The following BCKDK variants were observed in gnomAD, a reference collection of about 807,000 sequenced individuals.
BCKDK encodes branched-chain alpha-ketoacid dehydrogenase kinase.
A neutral mutation model predicts 43.9 loss-of-function variants in BCKDK; 28 were observed. That is an observed-to-expected ratio of 0.64 (90% CI 0.47 to 0.87). The LOEUF (loss-of-function observed/expected upper bound fraction) is 0.87. Among genes scored for constraint, BCKDK ranks in the 40% least tolerant of loss-of-function variants. The pLI, the probability that BCKDK is intolerant of heterozygous loss-of-function variation, is 0.00. For missense variants in BCKDK, 483 were observed against 581.4 expected (o/e 0.83, Z 1.74); for synonymous variants, 257 against 234.3 (o/e 1.10, Z -0.88).
downstream of BCKDK, chr16:31,117,588 C>T (rs2057456405): frequency 2.8e-6 from 3 of 1,054,066 alleles, no homozygotes; most frequent in Non-Finnish European, 3.8e-6. Flanking sequence ...ACAGACCCCG[C>T]CCTCAAACCT....
downstream of BCKDK, among the ~76,000 whole-genome samples, chr16:31,113,081 C>T (rs2057427237): frequency 6.6e-6 from 1 of 152,222 alleles, no homozygotes; most frequent in South Asian, 2.1e-4. Context: ...AGGATTTGGG[C>T]AAAGATATCA....
chr16:31,109,220 G>A lies in BCKDK; in HGVS notation c.-4G>A, dbSNP rs368007615. On this transcript the variant is annotated 5_prime_UTR_variant, in exon 2 of 12. Transcript: ENST00000219794. The surrounding 1 kb of genome is among the most constrained non-coding windows in gnomAD (Gnocchi z 5.3). ...CGGCCACCGGGTCTGAAAGGAGCAAGACGATGATCCTGGCGTCGGTGCTGA... is the reference window on the plus strand; with the variant it reads ...CGGCCACCGGGTCTGAAAGGAGCAAAACGATGATCCTGGCGTCGGTGCTGA... 1 of 1,510,562 alleles carries A rather than the reference G, an allele frequency of 6.6e-7. No individual in the cohort carries two copies. Among genetic ancestry groups the A allele is most frequent in the Admixed American group, 2.2e-5 (1 of 44,536 alleles). The allele number at this position is 1,510,562 out of a possible 1,614,324, so 93.6% of individuals were successfully genotyped here. A position where few individuals can be genotyped will look rare whatever the true frequency, so the allele number is the denominator to read the frequency against.
chr16:31,109,278 C>A lies in BCKDK; in HGVS notation c.55C>A (p.Pro19Thr). ...TCCCGGGGGCGGGCTTCCGCTCCGG[C>A]CCCTCCTGGGACCCGCACTCGCGCT... is the stretch of plus-strand genomic sequence containing the variant. Reference protein sequence around the residue: ...SGPGGGLPLRPLLGPALALRA... With the variant: ...SGPGGGLPLRTLLGPALALRA... The change falls in exon 2 of 12, where the codon CCC (proline) becomes ACC (threonine). Residue 19 changes from proline (P) to threonine (T), a missense_variant. Coordinates refer to ENST00000219794, the MANE Select transcript of BCKDK (RefSeq NM_005881.4). The surrounding 1 kb of genome is among the most constrained non-coding windows in gnomAD (Gnocchi z 5.3). 2 of 1,589,392 alleles carry A rather than the reference C, an allele frequency of 1.3e-6. No homozygotes were observed. Among genetic ancestry groups the A allele is most frequent in the South Asian group, 1.1e-5 (1 of 89,348 alleles).
chr16:31,112,552 C>G lies in BCKDK; in HGVS notation c.*287C>G, dbSNP rs920258053. 1.1e-5 allele frequency: 6 copies of G among 549,392 alleles called. No individual in the cohort carries two copies. The allele number at this position is 549,392 out of a possible 1,614,324, so 34.0% of individuals were successfully genotyped here. ...CCCACTCTGACCTGTTATTAAAGTTCACATTTTGAATGCCCTCTCGGGCCC... is the reference window on the plus strand; with the variant it reads ...CCCACTCTGACCTGTTATTAAAGTTGACATTTTGAATGCCCTCTCGGGCCC... On this transcript the variant is annotated 3_prime_UTR_variant, in exon 12 of 12. Transcript: ENST00000219794. This position sits in a 1 kb window ranked among gnomAD's most constrained non-coding sequence, Gnocchi z 5.0.
Position 31,109,887 on chromosome 16 carries a change from G to A in BCKDK, c.375+104G>A. On this transcript the variant is annotated intron_variant, in intron 4 of 11. Transcript: ENST00000219794. This position sits in a 1 kb window ranked among gnomAD's most constrained non-coding sequence, Gnocchi z 5.3. ...ACGATTGCTTGCCTAAAGGTGTCAGGGCCACACAGGATTCAACCCCAGGCC... is the reference window on the plus strand; with the variant it reads ...ACGATTGCTTGCCTAAAGGTGTCAGAGCCACACAGGATTCAACCCCAGGCC... 1.4e-6 allele frequency: 2 copies of A among 1,400,552 alleles called. No individual in the cohort carries two copies. Among genetic ancestry groups the A allele is most frequent in the Admixed American group, 1.8e-5 (1 of 54,288 alleles). 86.8% of individuals were successfully genotyped at this position (1,400,552 alleles called of 1,614,324 possible). A position where few individuals can be genotyped will look rare whatever the true frequency, so the allele number is the denominator to read the frequency against.
chr16:31,115,377 C>T (rs1274091539), downstream of BCKDK, among the ~76,000 whole-genome samples: 1 of 151,944 alleles, frequency 6.6e-6, no homozygotes, highest in African/African-American at 2.4e-5. Context: ...CATGCGGCCA[C>T]CACGCCTGGC....
At chr16:31,117,398 A>AAATT (rs1555503225), downstream of BCKDK, 747 of 234,112 alleles carry the variant, frequency 3.2e-3, 13 homozygotes, top group Middle Eastern at 5.2e-3. Context: ...ATAAATAAAT[A>AAATT]AATTAAAAAA....
chr16:31,110,825 C>A lies in BCKDK; in HGVS notation c.716+64C>A. 1 of 1,558,608 alleles carries A rather than the reference C, an allele frequency of 6.4e-7. No homozygotes were observed. Among genetic ancestry groups the A allele is most frequent in the Non-Finnish European group, 8.8e-7 (1 of 1,130,444 alleles). ...GGGCAGGGAAGGCTTGGGTCTGAGC[C>A]CTTGCCCGGGGCATGATCTGCGGGG... On this transcript the variant is annotated intron_variant, in intron 8 of 11. Coordinates refer to ENST00000219794, the MANE Select transcript of BCKDK (RefSeq NM_005881.4). The surrounding 1 kb of genome is among the most constrained non-coding windows in gnomAD (Gnocchi z 5.4).
chr16:31,110,708 C>T lies in BCKDK; in HGVS notation c.663C>T (p.Ile221=), dbSNP rs1342710277. 1.9e-6 allele frequency: 3 copies of T among 1,614,142 alleles called. No individual in the cohort carries two copies. The highest frequency in any genetic ancestry group is 2.7e-5 in the African/African-American group (2 of 75,024). The change falls in exon 8 of 12, where the codon ATC becomes ATT. Residue 221 remains isoleucine (I), a synonymous_variant. Coordinates refer to ENST00000219794, the MANE Select transcript of BCKDK (RefSeq NM_005881.4). The surrounding 1 kb of genome is among the most constrained non-coding windows in gnomAD (Gnocchi z 5.4). ...HEDKPDFVGI[I]CTRLSPKKII... ...GCCAGCCTGACTTTGTCGGCATCAT[C>T]TGTACTCGTCTCTCACCAAAGAAGA... is the stretch of plus-strand genomic sequence containing the variant.
rs1382286195 is a variant in BCKDK, at chr16:31,112,615, C to T, written c.*350C>T. On this transcript the variant is annotated 3_prime_UTR_variant, in exon 12 of 12. Coordinates refer to ENST00000219794, the MANE Select transcript of BCKDK (RefSeq NM_005881.4). The surrounding 1 kb of genome is among the most constrained non-coding windows in gnomAD (Gnocchi z 5.0). ...GGGCAGGTGAACTTTTGTTTCTGCC[C>T]CCATTCAGGTTCACTGAGCCCTTGG... 4.9e-6 allele frequency: 2 copies of T among 409,616 alleles called. No individual in the cohort carries two copies. The highest frequency in any genetic ancestry group is 5.5e-5 in the East Asian group (1 of 18,220). 25.4% of individuals were successfully genotyped at this position (409,616 alleles called of 1,614,324 possible). A position where few individuals can be genotyped will look rare whatever the true frequency, so the allele number is the denominator to read the frequency against.
At position 31,111,400 on chromosome 16, in the gene BCKDK, A is replaced by G; in HGVS notation, c.935+11A>G. 1 of 1,613,440 alleles carries G rather than the reference A, an allele frequency of 6.2e-7. No homozygotes were observed. Among genetic ancestry groups the G allele is most frequent in the Non-Finnish European group, 8.5e-7 (1 of 1,179,492 alleles). On this transcript the variant is annotated intron_variant, in intron 10 of 11. Transcript: ENST00000219794. ...CGATCTGATCATCAGGTTTGCCCTG[A>G]GTGGGAGTTGAGCTGAGGTGGATGG...
rs747606320 is a variant in BCKDK at position 31,110,152 on chromosome 16, G to A, written c.423+28G>A. 7.4e-6 allele frequency: 12 copies of A among 1,614,186 alleles called. No homozygotes were observed. The Admixed American group carries it at 1.8e-4, about 25-fold the overall frequency. ...GAGTGCTGGGCCAGAGCAGGGTGAG[G>A]GGCTGAGAGGTTGGGCTTGGACCAC... is the stretch of plus-strand genomic sequence containing the variant. On this transcript the variant is annotated intron_variant, in intron 5 of 11. Coordinates refer to ENST00000219794, the MANE Select transcript of BCKDK (RefSeq NM_005881.4). The surrounding 1 kb of genome is among the most constrained non-coding windows in gnomAD (Gnocchi z 5.4).
chr16:31,117,465 T>C (rs2057455539), downstream of BCKDK: 1 of 402,224 alleles, frequency 2.5e-6, no homozygotes, highest in East Asian at 3.6e-5. Flanking sequence ...ACCCATAGGC[T>C]GCAGCCACAG....
chr16:31,111,826 C>T lies in BCKDK; in HGVS notation c.936-43C>T, dbSNP rs764289146. The T allele has an allele frequency of 5.5e-5, 89 of 1,609,594 alleles. 3 individuals are homozygous for T. In the South Asian group the frequency reaches 9.6e-4, roughly 17 times the overall value. ...TCTGCTTGGGGGGTGGTGAGTACCC[C>T]ATCAAAGCTGAGCCAAGCCCATTGT... On this transcript the variant is annotated intron_variant, in intron 10 of 11. Coordinates refer to ENST00000219794, the MANE Select transcript of BCKDK (RefSeq NM_005881.4).
Position 31,110,489 on chromosome 16 carries a change from A to T in BCKDK, c.632A>T (p.His211Leu), listed in dbSNP as rs761417171. The T allele has an allele frequency of 3.1e-6, 5 of 1,613,828 alleles. No individual in the cohort carries two copies. The Admixed American group carries it at 5.0e-5, about 16-fold the overall frequency. The part of the protein sequence containing the change: ...RMLATHHLAL[H>L]EDKPDFVGII... ...TTGGCCACGCATCACCTGGCGCTGCATGAGGACAAGGTGGGGCTCTGGGAC... is the reference window on the plus strand; with the variant it reads ...TTGGCCACGCATCACCTGGCGCTGCTTGAGGACAAGGTGGGGCTCTGGGAC... The change falls in exon 7 of 12, where the codon CAT becomes CTT. Residue 211 changes from histidine (H) to leucine (L), a missense_variant. His to Leu is a moderately conservative substitution (Grantham distance 99). Coordinates refer to ENST00000219794, the MANE Select transcript of BCKDK (RefSeq NM_005881.4). This position sits in a 1 kb window ranked among gnomAD's most constrained non-coding sequence, Gnocchi z 5.4.
At chr16:31,116,389 T>C (rs2057446008), downstream of BCKDK, among the ~76,000 whole-genome samples, 1 of 150,618 alleles carries the variant, frequency 6.6e-6, no homozygotes, top group South Asian at 2.1e-4. Context: ...AATTTTGTAT[T>C]TTTAGTAGAG....
downstream of BCKDK, among the ~76,000 whole-genome samples, chr16:31,116,929 G>GGT (rs1430571005): frequency 2.3e-5 from 1 of 44,278 alleles, no homozygotes; most frequent in Non-Finnish European, 4.7e-5. Context: ...AAAAAAAAAA[G>GGT]GGGGGGGGGC....
chr16:31,117,070 G>A (rs948639251), downstream of BCKDK, among the ~76,000 whole-genome samples: 9 of 149,586 alleles, frequency 6.0e-5, no homozygotes, highest in South Asian at 2.1e-4. Flanking sequence ...AGGTACCAGG[G>A]CCTTTAAAAA....
chr16:31,108,759 T>A lies in BCKDK; in HGVS notation c.-178+280T>A, dbSNP rs1284376454. On this transcript the variant is annotated intron_variant, in intron 1 of 11. Coordinates refer to ENST00000219794, the MANE Select transcript of BCKDK (RefSeq NM_005881.4). This position sits in a 1 kb window ranked among gnomAD's most constrained non-coding sequence, Gnocchi z 6.2. ...GGCAGGCAGGGGCAGCCCCGCCCCC[T>A]GAGAAGGGTACCCGGGACCCCGGGG... 1.3e-5 allele frequency: 2 copies of A among 152,372 alleles called. No homozygotes were observed. The highest frequency in any genetic ancestry group is 2.9e-5 in the Non-Finnish European group (2 of 68,242). The allele number at this position is 152,372 out of a possible 1,614,324, so 9.4% of individuals were successfully genotyped here.
Sources: gnomAD v4.1 joint callset for allele counts (sites outside exome capture counted in the v4.1 genomes callset) on GRCh38, gnomAD v4.1.1 for gene constraint, Gnocchi (gnomAD v3.1) non-coding constraint, MANE v1.5 for transcripts, NCBI Gene and HGNC (gene_info 2026-07-23, HGNC 2026-07-21) for gene names.